The following TPI1 variants were observed in gnomAD, a reference collection of about 807,000 sequenced individuals.
TPI1 encodes triosephosphate isomerase.
Under a neutral mutation model 31.0 loss-of-function variants are expected in TPI1, and 11 were observed. The ratio of observed to expected loss-of-function variants is 0.36; its 90% CI spans 0.22 to 0.59. The LOEUF is 0.59. Among genes scored for constraint, TPI1 ranks in the 20% least tolerant of loss-of-function variants. The probability of loss-of-function intolerance (pLI) is 0.79; values close to 1 mark genes in which losing one functional copy is unlikely to be tolerated. For missense variants in TPI1, 245 were observed against 319.7 expected (o/e 0.77, Z 1.78); for synonymous variants, 121 against 122.8 (o/e 0.99, Z 0.10).
chr12:6,867,990 T>G, intron 1 of TPI1: 7 of 1,061,072 alleles, frequency 6.6e-6, no homozygotes, highest in Middle Eastern at 3.6e-4. Context: ...GCGACGGGGT[T>G]AGGAGCGGAG....
chr12:6,869,222 C>G, intron 3 of TPI1, 36 bp from the exon 4 acceptor site: 1 of 1,614,094 alleles, frequency 6.2e-7, no homozygotes, highest in Non-Finnish European at 8.5e-7. Flanking sequence ...TGTCTTTTTC[C>G]AAGAAGGATG....
At chr12:6,869,845 G>C (rs2138094014) in intron 5 of TPI1, 72 bp downstream of exon 5, 2 of 1,554,144 alleles carry the variant, frequency 1.3e-6, no homozygotes, top group Non-Finnish European at 1.8e-6. Flanking sequence ...AGCCCACATG[G>C]GGCAACCCCT....
In TPI1 at chr12:6,869,888, G is replaced by A. The variant is rs1485031180; in HGVS notation, c.543+115G>A. ...AAGACACAGAGACCTTGAACCCAGA[G>A]ACAGTGACTTGTCCAAGGGCATCCA... On this transcript the variant is annotated intron_variant, in intron 5 of 6. Transcript: ENST00000396705. The A allele has an allele frequency of 3.5e-6, 5 of 1,426,658 alleles. No homozygotes were observed. The African/African-American group carries it at 5.6e-5, about 16-fold the overall frequency. 88.4% of individuals were successfully genotyped at this position (1,426,658 alleles called of 1,614,324 possible). A position where few individuals can be genotyped will look rare whatever the true frequency, so the allele number is the denominator to read the frequency against.
chr12:6,868,221 C>G lies in TPI1; in HGVS notation c.115+540C>G, dbSNP rs151294895. On this transcript the variant is annotated intron_variant, in intron 1 of 6. Coordinates refer to ENST00000396705, the MANE Select transcript of TPI1 (RefSeq NM_000365.6). ...CGACTCCCGCCTTCCACGGAAGGGA[C>G]CGAGCCCGTGCCAAACAGGCTGAGC... 258 of 1,287,848 alleles carry G rather than the reference C, an allele frequency of 2.0e-4. No homozygotes were observed. The Middle Eastern group carries it at 2.3e-3, about 11-fold the overall frequency. The allele number at this position is 1,287,848 out of a possible 1,614,324, so 79.8% of individuals were successfully genotyped here.
At chr12:6,867,806 T>C in intron 1 of TPI1, 125 bp downstream of exon 1, 2 of 1,073,278 alleles carry the variant, frequency 1.9e-6, no homozygotes, top group South Asian at 1.8e-5. Flanking sequence ...TGCAGGGCTG[T>C]GGGACGAGGG....
Position 6,867,648 on chromosome 12 carries a change from A to G in TPI1, c.82A>G (p.Thr28Ala). ...RKQSLGELIG[T>A]LNAAKVPADT... ...GCAGAGTCTGGGGGAGCTCATCGGC[A>G]CTCTGAACGCGGCCAAGGTGCCGGC... Residue 28 changes from threonine (T) to alanine (A), a missense_variant, in exon 1 of 7, where the codon ACT becomes GCT. Physicochemically the swap from Thr to Ala is moderately conservative, Grantham distance 58. This residue lies in a region of TPI1 where 95 missense variants were observed against 96.4 expected (regional missense o/e 0.99). Transcript: ENST00000396705. 1 of 1,610,698 alleles carries G rather than the reference A, an allele frequency of 6.2e-7. No homozygotes were observed. The highest frequency in any genetic ancestry group is 8.5e-7 in the Non-Finnish European group (1 of 1,179,024).
In TPI1 at chr12:6,870,252, G is replaced by A; in HGVS notation, c.632-13G>A. On this transcript the variant is annotated splice_polypyrimidine_tract_variant and intron_variant, in intron 6 of 6. Transcript: ENST00000396705. ...CCATTCTTGACCAAGCCCTTGTTCTGCTCCCTTCCCAGGCTCTGTGACTGG... is the reference window on the plus strand; with the variant it reads ...CCATTCTTGACCAAGCCCTTGTTCTACTCCCTTCCCAGGCTCTGTGACTGG... The A allele has an allele frequency of 6.2e-7, 1 of 1,610,434 alleles. No individual in the cohort carries two copies. Among genetic ancestry groups the A allele is most frequent in the East Asian group, 2.2e-5 (1 of 44,884 alleles).
At position 6,869,007 on chromosome 12, in the gene TPI1, G is replaced by A. The variant is rs373452929; in HGVS notation, c.239+20G>A. On this transcript the variant is annotated intron_variant, in intron 2 of 6. Transcript: ENST00000396705. The stretch of plus-strand genomic sequence containing the variant: ...GATCAGGTGAGATCGAGGTGGAGAG[G>A]GGTGTGTGGGACCCTTCCCTCACTT... 7 of 1,613,976 alleles carry A rather than the reference G, an allele frequency of 4.3e-6. No homozygotes were observed. The African/African-American group carries it at 6.7e-5, about 15-fold the overall frequency.
At chr12:6,870,020 G>C (rs781815674) in intron 5 of TPI1, 29 bp from the exon 6 acceptor site, 1 of 1,613,390 alleles carries the variant, frequency 6.2e-7, no homozygotes, top group South Asian at 1.1e-5. Flanking sequence ...GGCAGAAAAG[G>C]TCTTACTTAG....
At position 6,870,105 on chromosome 12, in the gene TPI1, G is replaced by A. The variant is rs61747602; in HGVS notation, c.600G>A (p.Ala200=). 7.5e-4 allele frequency: 1,218 copies of A among 1,614,152 alleles called. 3 individuals are homozygous for A. The African/African-American group carries it at 0.014, about 18-fold the overall frequency. ...GGCTGAAGTCCAACGTCTCTGATGC[G>A]GTGGCTCAGAGCACCCGTATCATTT... ...RGWLKSNVSD[A]VAQSTRIIYG... is the part of the protein sequence containing the mutation. Residue 200 remains alanine (A), a synonymous_variant, in exon 6 of 7, where the codon GCG becomes GCA. Coordinates refer to ENST00000396705, the MANE Select transcript of TPI1 (RefSeq NM_000365.6).
chr12:6,868,767 G>T, intron 1 of TPI1, 97 bp from the exon 2 acceptor site: 11 of 1,521,778 alleles, frequency 7.2e-6, no homozygotes, highest in Non-Finnish European at 7.1e-6. Context: ...AAGAAGAAGA[G>T]GGTGAGGGCT....
Position 6,867,671 on chromosome 12 carries a change from G to A in TPI1, c.105G>A (p.Pro35=). The change falls in exon 1 of 7, where the codon CCG becomes CCA. Residue 35 remains proline (P), a synonymous_variant. Transcript: ENST00000396705. The stretch of plus-strand genomic sequence containing the variant: ...GCACTCTGAACGCGGCCAAGGTGCC[G>A]GCCGACACCGGTAAGCCCTCGCCGA... ...LIGTLNAAKV[P]ADTEVVCAPP... is the part of the protein sequence containing the mutation. 1 of 1,609,544 alleles carries A rather than the reference G, an allele frequency of 6.2e-7. No individual in the cohort carries two copies. The highest frequency in any genetic ancestry group is 8.5e-7 in the Non-Finnish European group (1 of 1,178,432).
chr12:6,867,521 G>C, upstream of TPI1: 2 of 1,596,298 alleles, frequency 1.3e-6, no homozygotes, highest in Non-Finnish European at 1.7e-6. Flanking sequence ...GGCAGTGGCC[G>C]CGACTGCGCG....
At chr12:6,869,071 T>C (rs1944522664) in intron 2 of TPI1, 28 bp from the exon 3 acceptor site, 2 of 1,614,198 alleles carry the variant, frequency 1.2e-6, no homozygotes, top group Non-Finnish European at 1.7e-6. Context: ...GGCTCCCTGC[T>C]GAACCTTGGC....
At position 6,870,150 on chromosome 12, in the gene TPI1, G is replaced by A. The variant is rs1944555543; in HGVS notation, c.631+14G>A. 3 of 1,613,270 alleles carry A rather than the reference G, an allele frequency of 1.9e-6. No homozygotes were observed. Among genetic ancestry groups the A allele is most frequent in the Admixed American group, 1.7e-5 (1 of 59,994 alleles). On this transcript the variant is annotated intron_variant, in intron 6 of 6. Transcript: ENST00000396705. ...TCATTTATGGAGGTGAGTGGCTTTG[G>A]TTCCCGGCTGAGGTGGAGTGGGCTG...
Position 6,867,547 on chromosome 12 carries a change from A to G in TPI1, c.-20A>G. On this transcript the variant is annotated 5_prime_UTR_variant, in exon 1 of 7. Coordinates refer to ENST00000396705, the MANE Select transcript of TPI1 (RefSeq NM_000365.6). ...CGACTGCGCGCAGACACTGACCTTC[A>G]GCGCCTCGGCTCCAGCGCCATGGCG... 6.2e-7 allele frequency: 1 copy of G among 1,610,382 alleles called. No individual in the cohort carries two copies. Among genetic ancestry groups the G allele is most frequent in the South Asian group, 1.1e-5 (1 of 90,708 alleles).
rs782032967 is a variant in TPI1, at chr12:6,867,563, C to G, written c.-4C>G. 6.2e-6 allele frequency: 10 copies of G among 1,611,824 alleles called. No homozygotes were observed. The Admixed American group carries it at 6.7e-5, about 11-fold the overall frequency. On this transcript the variant is annotated 5_prime_UTR_variant, in exon 1 of 7. Transcript: ENST00000396705. ...CTGACCTTCAGCGCCTCGGCTCCAGCGCCATGGCGCCCTCCAGGAAGTTCT... is the reference window on the plus strand; with the variant it reads ...CTGACCTTCAGCGCCTCGGCTCCAGGGCCATGGCGCCCTCCAGGAAGTTCT...
intron 4 of TPI1, 80 bp downstream of exon 4, chr12:6,869,470 C>T: frequency 6.2e-7 from 1 of 1,603,306 alleles, no homozygotes; most frequent in Non-Finnish European, 8.5e-7. Context: ...TGGAGCCTGT[C>T]TTGGTCCCCA....
rs782793367 is a variant in TPI1, at chr12:6,870,775, C to T, written c.*392C>T. ...GCTGCCCTCTCCCATGGTGCCCGTG[C>T]CTCTGTGCTGTGTATGTGAACCACC... On this transcript the variant is annotated 3_prime_UTR_variant, in exon 7 of 7. Transcript: ENST00000396705. 5.9e-6 allele frequency: 3 copies of T among 512,054 alleles called. No individual in the cohort carries two copies. The highest frequency in any genetic ancestry group is 1.1e-5 in the Non-Finnish European group (3 of 264,408). 31.7% of individuals were successfully genotyped at this position (512,054 alleles called of 1,614,324 possible). A position where few individuals can be genotyped will look rare whatever the true frequency, so the allele number is the denominator to read the frequency against.
Sources: allele counts gnomAD v4.1 joint callset, GRCh38; gene constraint gnomAD v4.1.1; regional missense constraint gnomAD v4.1.1; transcripts MANE v1.5; gene names NCBI Gene and HGNC (gene_info 2026-07-23, HGNC 2026-07-21).